The following PCDHGB5 variants were observed in gnomAD, a reference collection of about 807,000 sequenced individuals.
The protein encoded by PCDHGB5 is protocadherin gamma subfamily B, 5.
Under a neutral mutation model 62.9 loss-of-function variants are expected in PCDHGB5, and 48 were observed. That is an observed-to-expected ratio of 0.76 (90% CI 0.61 to 0.97). The LOEUF is 0.97. PCDHGB5 is among the 50% of genes least tolerant of loss of function. PCDHGB5 has a pLI of 0.00. For missense variants in PCDHGB5, 1,118 were observed against 1,198.6 expected (o/e 0.93, Z 0.99); for synonymous variants, 474 against 511.2 (o/e 0.93, Z 0.98).
intron 1 of PCDHGB5, among the ~76,000 whole-genome samples, chr5:141,430,360 T>C (rs570966246): frequency 1.8e-4 from 27 of 151,522 alleles, no homozygotes; most frequent in Middle Eastern, 3.4e-3. Flanking sequence ...TAAAAGCTCA[T>C]TGGGGAAAAA....
chr5:141,487,058 C>T lies in PCDHGB5; in HGVS notation c.2398-7749C>T, dbSNP rs775720601. 23 of 1,613,980 alleles carry T rather than the reference C, an allele frequency of 1.4e-5. No individual in the cohort carries two copies. The highest frequency in any genetic ancestry group is 1.0e-4 in the Admixed American group (6 of 59,996). ...AGTCTCTCGATATGCTGGGGAGGTGCGGACGGCTGTTCCTATCCCAGCTGA... is the reference window on the plus strand; with the variant it reads ...AGTCTCTCGATATGCTGGGGAGGTGTGGACGGCTGTTCCTATCCCAGCTGA... On this transcript the variant is annotated intron_variant, in intron 1 of 3. Transcript: ENST00000617380. The surrounding 1 kb of genome is among the most constrained non-coding windows in gnomAD (Gnocchi z 5.0).
chr5:141,451,233 T>A (rs1431967203), intron 1 of PCDHGB5, among the ~76,000 whole-genome samples: 1 of 152,216 alleles, frequency 6.6e-6, no homozygotes, highest in African/African-American at 2.4e-5. Flanking sequence ...GCATTTATTA[T>A]CTCATAAATT....
chr5:141,419,218 A>G, intron 1 of PCDHGB5: 1 of 1,613,940 alleles, frequency 6.2e-7, no homozygotes, highest in Non-Finnish European at 8.5e-7. Flanking sequence ...CGGTTTTCGG[A>G]CAGTCAGCCT....
At chr5:141,505,345 G>C (rs776607130) in intron 2 of PCDHGB5, 48 bp from the exon 3 acceptor site, 3 of 1,613,086 alleles carry the variant, frequency 1.9e-6, no homozygotes, top group Non-Finnish European at 2.5e-6. Flanking sequence ...AGGGGCATGA[G>C]CTGTGCCGGC....
intron 1 of PCDHGB5, chr5:141,475,934 G>C (rs754356530): frequency 3.0e-6 from 2 of 665,118 alleles, no homozygotes; most frequent in Non-Finnish European, 5.0e-6. Context: ...TCGGGCCCCT[G>C]CCCGTCCCCT....
intron 1 of PCDHGB5, among the ~76,000 whole-genome samples, chr5:141,482,329 T>C (rs1334833454): frequency 6.6e-6 from 1 of 152,160 alleles, no homozygotes; most frequent in Non-Finnish European, 1.5e-5. Context: ...ATAAAGAGAA[T>C]ATCTACTTTG....
chr5:141,487,029 T>C lies in PCDHGB5; in HGVS notation c.2398-7778T>C. 1.2e-6 allele frequency: 2 copies of C among 1,614,226 alleles called. No individual in the cohort carries two copies. Among genetic ancestry groups the C allele is most frequent in the Non-Finnish European group, 1.7e-6 (2 of 1,180,040 alleles). ...CTGGAGGCCCCAGATCCCAGCCTGT[T>C]TGCAGTCTCTCGATATGCTGGGGAG... is the stretch of plus-strand genomic sequence containing the variant. On this transcript the variant is annotated intron_variant, in intron 1 of 3. Coordinates refer to ENST00000617380, the MANE Select transcript of PCDHGB5 (RefSeq NM_018925.3). The surrounding 1 kb of genome is among the most constrained non-coding windows in gnomAD (Gnocchi z 5.0).
chr5:141,424,052 G>A, intron 1 of PCDHGB5: 1 of 1,012,010 alleles, frequency 9.9e-7, no homozygotes, highest in South Asian at 4.7e-5. Flanking sequence ...CAATTTTGCT[G>A]TGCCTTCACT....
At chr5:141,414,230 C>T in intron 1 of PCDHGB5, 5 of 1,613,308 alleles carry the variant, frequency 3.1e-6, no homozygotes, top group Non-Finnish European at 4.2e-6. Flanking sequence ...CCAGAGCTGA[C>T]CATCACGTCT....
rs775081505 is a variant in PCDHGB5 at position 141,486,730 on chromosome 5, T to C, written c.2398-8077T>C. ...ACCCCCAGACAGGAGCTGTTCATGC[T>C]ACTCGATCCTTTGACTATGAGCAAA... On this transcript the variant is annotated intron_variant, in intron 1 of 3. Coordinates refer to ENST00000617380, the MANE Select transcript of PCDHGB5 (RefSeq NM_018925.3). This position sits in a 1 kb window ranked among gnomAD's most constrained non-coding sequence, Gnocchi z 5.0. 1 of 1,614,120 alleles carries C rather than the reference T, an allele frequency of 6.2e-7. No homozygotes were observed. Among genetic ancestry groups the C allele is most frequent in the Non-Finnish European group, 8.5e-7 (1 of 1,180,050 alleles).
chr5:141,426,565 T>G, intron 1 of PCDHGB5: 1 of 351,600 alleles, frequency 2.8e-6, no homozygotes, highest in Non-Finnish European at 5.7e-6. Flanking sequence ...AGATCGAGAG[T>G]CACTGTCTTC....
At chr5:141,452,421 C>A (rs1211472567) in intron 1 of PCDHGB5, among the ~76,000 whole-genome samples, 2 of 152,180 alleles carry the variant, frequency 1.3e-5, no homozygotes, top group Non-Finnish European at 2.9e-5. Context: ...ATGCTCACTG[C>A]TAATGGGCTG....
In PCDHGB5 at chr5:141,491,848, C is replaced by A; in HGVS notation, c.2398-2959C>A. 1 of 1,461,478 alleles carries A rather than the reference C, an allele frequency of 6.8e-7. No homozygotes were observed. Among genetic ancestry groups the A allele is most frequent in the Non-Finnish European group, 9.1e-7 (1 of 1,104,578 alleles). The allele number at this position is 1,461,478 out of a possible 1,614,324, so 90.5% of individuals were successfully genotyped here. A position where few individuals can be genotyped will look rare whatever the true frequency, so the allele number is the denominator to read the frequency against. On this transcript the variant is annotated intron_variant, in intron 1 of 3. Transcript: ENST00000617380. This position sits in a 1 kb window ranked among gnomAD's most constrained non-coding sequence, Gnocchi z 6.9. ...CACCCGATTCTCGGGATCATTGGAC[C>A]GTTTGCGCGAAACCAGAGTGGCCGA...
chr5:141,506,209 G>A (rs549403288), intron 3 of PCDHGB5, among the ~76,000 whole-genome samples: 3 of 152,284 alleles, frequency 2.0e-5, no homozygotes, highest in African/African-American at 7.2e-5. Context: ...CCAGCACTTT[G>A]GGAAGCTGAG....
chr5:141,399,387 CACAG>C lies in PCDHGB5; in HGVS notation c.1265_1268del (p.Asp422GlyfsTer10). On this transcript the variant is annotated frameshift_variant, in exon 1 of 4. Coordinates refer to ENST00000617380, the MANE Select transcript of PCDHGB5 (RefSeq NM_018925.3). LOFTEE classifies it high-confidence loss of function. ...CGGAGTACAATGTCACCATCACAGC[CACAG>C]ACAGGGGCAAGCCGCCCCTCTCCTC... 2.5e-6 allele frequency: 4 copies of C among 1,614,028 alleles called. No homozygotes were observed. Among genetic ancestry groups the C allele is most frequent in the Non-Finnish European group, 2.5e-6 (3 of 1,179,898 alleles).
chr5:141,494,656 C>CT, intron 1 of PCDHGB5, 151 bp from the exon 2 acceptor site: 1 of 1,478,476 alleles, frequency 6.8e-7, no homozygotes, highest in Non-Finnish European at 9.1e-7. Flanking sequence ...TGTATTTTGT[C>CT]TTTGGAGATG....
intron 1 of PCDHGB5, chr5:141,478,866 C>T (rs1392885307): frequency 1.5e-6 from 2 of 1,304,352 alleles, no homozygotes; most frequent in Non-Finnish European, 2.0e-6. Flanking sequence ...TCTCAGCGAT[C>T]AGAGTTTAGC....
chr5:141,476,584 C>T lies in PCDHGB5; in HGVS notation c.2398-18223C>T. 6.2e-7 allele frequency: 1 copy of T among 1,614,218 alleles called. No individual in the cohort carries two copies. The highest frequency in any genetic ancestry group is 8.5e-7 in the Non-Finnish European group (1 of 1,180,042). ...TGGCTCCGGGGACGCGCTTTCCGCTCGAGAGCGCGCACGATCCCGATGTGG... is the reference window on the plus strand; with the variant it reads ...TGGCTCCGGGGACGCGCTTTCCGCTTGAGAGCGCGCACGATCCCGATGTGG... On this transcript the variant is annotated intron_variant, in intron 1 of 3. Coordinates refer to ENST00000617380, the MANE Select transcript of PCDHGB5 (RefSeq NM_018925.3). The surrounding 1 kb of genome is among the most constrained non-coding windows in gnomAD (Gnocchi z 7.6).
At chr5:141,413,148 C>G (rs370253778) in intron 1 of PCDHGB5, 10 of 1,570,530 alleles carry the variant, frequency 6.4e-6, no homozygotes, top group Middle Eastern at 1.7e-4. Flanking sequence ...CCAGTGAGGA[C>G]TTTGCAGAAT....
Sources: gnomAD v4.1 joint callset for allele counts (sites outside exome capture counted in the v4.1 genomes callset) on GRCh38, gnomAD v4.1.1 for gene constraint, Gnocchi (gnomAD v3.1) non-coding constraint, MANE v1.5 for transcripts, NCBI Gene and HGNC (gene_info 2026-07-23, HGNC 2026-07-21) for gene names.